TSHZ2: variants seen among roughly 807,000 people sequenced by gnomAD.
TSHZ2 encodes teashirt homolog 2.
In TSHZ2, 21 loss-of-function variants were observed where a neutral mutation model predicts 74.4. The observed-to-expected ratio is 0.28, with a 90% CI of 0.20 to 0.41. The LOEUF (loss-of-function observed/expected upper bound fraction) is 0.41. Ranked by LOEUF, TSHZ2 falls within the 10% of genes least tolerant of loss-of-function variation. TSHZ2 has a pLI of 1.00. For synonymous variants in TSHZ2, 540 were observed against 515.3 expected, an observed-to-expected ratio of 1.05 and a Z score of -0.65; for missense variants, 1,244 against 1,293.5, an observed-to-expected ratio of 0.96 and a Z score of 0.59.
At chr20:53,289,104 A>G (rs190767447) in intron 2 of TSHZ2, among the ~76,000 whole-genome samples, 97 of 152,324 alleles carry the variant, frequency 6.4e-4, no homozygotes, top group Non-Finnish European at 1.1e-3. Flanking sequence ...ACTTAGAATA[A>G]TGGTCTCCAA....
At chr20:53,260,636 G>A (rs1681156991) in intron 2 of TSHZ2, among the ~76,000 whole-genome samples, 2 of 152,312 alleles carry the variant, frequency 1.3e-5, no homozygotes, top group South Asian at 4.1e-4. Flanking sequence ...CAACTCACTT[G>A]CTTTCATGAA....
At chr20:52,983,367 T>C (rs113391494) in intron 1 of TSHZ2, among the ~76,000 whole-genome samples, 18 of 152,366 alleles carry the variant, frequency 1.2e-4, no homozygotes, top group African/African-American at 4.3e-4. Context: ...TGTTTTTTAT[T>C]CTTGCACTTA....
intron 1 of TSHZ2, among the ~76,000 whole-genome samples, chr20:53,156,887 G>A (rs990018982): frequency 2.6e-5 from 4 of 152,216 alleles, no homozygotes; most frequent in African/African-American, 9.7e-5. Context: ...AATGACCTGA[G>A]TGTCATCTCT....
At chr20:53,340,317 G>A (rs923851623) in intron 2 of TSHZ2, among the ~76,000 whole-genome samples, 5 of 151,448 alleles carry the variant, frequency 3.3e-5, no homozygotes, top group Admixed American at 1.3e-4. Context: ...GAGTAGCTGG[G>A]ACTACAGGCG....
At chr20:53,110,914 A>G (rs982926559) in intron 1 of TSHZ2, among the ~76,000 whole-genome samples, 3 of 152,186 alleles carry the variant, frequency 2.0e-5, no homozygotes, top group Admixed American at 1.3e-4. Context: ...GCCAGCAGAC[A>G]TCTAAAGAGA....
At chr20:53,450,005 G>T (rs888797297) in intron 2 of TSHZ2, among the ~76,000 whole-genome samples, 17 of 152,190 alleles carry the variant, frequency 1.1e-4, no homozygotes, top group African/African-American at 3.9e-4. Flanking sequence ...CTCTTAATGG[G>T]CCTAGGGCCT....
chr20:53,011,680 T>C (rs886615551), intron 1 of TSHZ2, among the ~76,000 whole-genome samples: 4 of 152,160 alleles, frequency 2.6e-5, no homozygotes, highest in African/African-American at 9.7e-5. Context: ...GTTAATTAAA[T>C]AAACAGATGG....
intron 2 of TSHZ2, among the ~76,000 whole-genome samples, chr20:53,387,361 G>C (rs1031084645): frequency 7.9e-5 from 12 of 152,160 alleles, no homozygotes; most frequent in African/African-American, 2.7e-4. Flanking sequence ...CTTAAGATCT[G>C]TTTTATTTTC....
intron 1 of TSHZ2, among the ~76,000 whole-genome samples, chr20:53,219,459 AT>A (rs1361622678): frequency 3.3e-5 from 5 of 152,208 alleles, no homozygotes; most frequent in African/African-American, 4.8e-5. Flanking sequence ...AGTTAGCACT[AT>A]AACTTTCTAT....
intron 1 of TSHZ2, among the ~76,000 whole-genome samples, chr20:53,248,078 G>T (rs181072386): frequency 6.6e-6 from 1 of 152,202 alleles, no homozygotes; most frequent in Non-Finnish European, 1.5e-5. Flanking sequence ...TCCTTCTGTT[G>T]TTGTTTTTTT....
chr20:53,029,104 T>C (rs1026868400), intron 1 of TSHZ2, among the ~76,000 whole-genome samples: 1 of 152,190 alleles, frequency 6.6e-6, no homozygotes, highest in Non-Finnish European at 1.5e-5. Flanking sequence ...TTGAACTCCA[T>C]TCAAATAGAA....
At chr20:53,227,613 T>C (rs1009534200) in intron 1 of TSHZ2, among the ~76,000 whole-genome samples, 5 of 152,006 alleles carry the variant, frequency 3.3e-5, no homozygotes, top group African/African-American at 1.2e-4. Flanking sequence ...TGAAGGGTAA[T>C]TTTTTTTAGT....
At chr20:53,423,756 A>C (rs1471068973) in intron 2 of TSHZ2, among the ~76,000 whole-genome samples, 1 of 152,236 alleles carries the variant, frequency 6.6e-6, no homozygotes. Context: ...CTGGCGAGGC[A>C]ACTGATGCTT....
chr20:53,414,291 C>G (rs1350657848), intron 2 of TSHZ2, among the ~76,000 whole-genome samples: 1 of 152,020 alleles, frequency 6.6e-6, no homozygotes, highest in Non-Finnish European at 1.5e-5. Context: ...AGTTCTTGTA[C>G]TGTTTTTTCC....
At chr20:53,097,976 G>T (rs551528221) in intron 1 of TSHZ2, 4 of 152,330 alleles carry the variant, frequency 2.6e-5, no homozygotes, top group African/African-American at 9.6e-5. Flanking sequence ...CAGAAATATG[G>T]TATTGCTGAT....
intron 1 of TSHZ2, among the ~76,000 whole-genome samples, chr20:53,037,780 T>C (rs1319778231): frequency 6.6e-6 from 1 of 152,180 alleles, no homozygotes; most frequent in African/African-American, 2.4e-5. Context: ...GCCTGGGTGC[T>C]GGGGCAGGGC....
At chr20:53,297,037 G>A (rs947705404) in intron 2 of TSHZ2, among the ~76,000 whole-genome samples, 22 of 152,286 alleles carry the variant, frequency 1.4e-4, no homozygotes, top group African/African-American at 4.6e-4. Flanking sequence ...TCCCCTCACA[G>A]TACCCTGTCC....
intron 1 of TSHZ2, among the ~76,000 whole-genome samples, chr20:53,043,567 AT>A (rs1984122868): frequency 6.6e-6 from 1 of 152,178 alleles, no homozygotes; most frequent in Admixed American, 6.5e-5. Context: ...TCTCTGAAAC[AT>A]AGTCTCCATT....
chr20:53,237,665 G>A (rs368015607), intron 1 of TSHZ2, among the ~76,000 whole-genome samples: 8 of 152,284 alleles, frequency 5.3e-5, no homozygotes, highest in African/African-American at 1.7e-4. Flanking sequence ...CAGCGGTAGC[G>A]AGGCTGCATC....
Sources: gnomAD v4.1 joint callset for allele counts (sites outside exome capture counted in the v4.1 genomes callset) on GRCh38, gnomAD v4.1.1 for gene constraint, MANE v1.5 for transcripts, NCBI Gene and HGNC (gene_info 2026-07-23, HGNC 2026-07-21) for gene names.